DUOX2: variants seen among roughly 807,000 people sequenced by gnomAD.
DUOX2 encodes dual oxidase 2, also known as NADH/NADPH thyroid oxidase p138-tox.
In DUOX2, 185 loss-of-function variants were observed where a neutral mutation model predicts 183.3. The observed-to-expected ratio is 1.01, with a 90% CI of 0.90 to 1.14. The LOEUF is 1.14. DUOX2 is among the 50% of genes most tolerant of loss of function. The probability of loss-of-function intolerance (pLI) is 0.00; values close to 1 mark genes in which losing one functional copy is unlikely to be tolerated. For synonymous variants in DUOX2, 788 were observed against 812.4 expected (o/e 0.97, Z 0.51); for missense variants, 1,999 against 2,022.9 (o/e 0.99, Z 0.23).
intron 27 of DUOX2, 54 bp from the exon 28 acceptor site, chr15:45,097,795 G>C: frequency 6.2e-7 from 1 of 1,613,572 alleles, no homozygotes; most frequent in South Asian, 1.1e-5. Flanking sequence ...AGCTTGGGCT[G>C]AAAAGACAAC....
intron 13 of DUOX2, 24 bp downstream of exon 13, chr15:45,108,023 G>A (rs1302097990): frequency 6.2e-7 from 1 of 1,613,894 alleles, no homozygotes; most frequent in Admixed American, 1.7e-5. Flanking sequence ...AGCAGTCTGA[G>A]GTGGGGGCCC....
In DUOX2 at chr15:45,094,047, G is replaced by T; in HGVS notation, c.*103C>A. On this transcript the variant is annotated 3_prime_UTR_variant, in exon 34 of 34. Coordinates refer to ENST00000389039, the MANE Select transcript of DUOX2 (RefSeq NM_001363711.2). ...GGGGCTCTGCAGCCCTCCAGCTGAG[G>T]CCTAAGGTGGATTCTGATGGAGAGA... 6.5e-7 allele frequency: 1 copy of T among 1,533,104 alleles called. No individual in the cohort carries two copies. Among genetic ancestry groups the T allele is most frequent in the Non-Finnish European group, 9.0e-7 (1 of 1,108,654 alleles). 95.0% of individuals were successfully genotyped at this position (1,533,104 alleles called of 1,614,324 possible).
At chr15:45,110,071 T>C in intron 9 of DUOX2, 91 bp from the exon 10 acceptor site, 1 of 1,196,560 alleles carries the variant, frequency 8.4e-7, no homozygotes, top group East Asian at 2.3e-5. Flanking sequence ...GGGGGTTCAC[T>C]AGGATTGAGC....
rs1894273532 is a variant in DUOX2 at position 45,108,108 on chromosome 15, G to A, written c.1513C>T (p.Leu505Phe). The change falls in exon 13 of 34, where the codon CTC becomes TTC. Residue 505 changes from leucine (L) to phenylalanine (F), a missense_variant. Leu to Phe is a conservative substitution (Grantham distance 22). Coordinates refer to ENST00000389039, the MANE Select transcript of DUOX2 (RefSeq NM_001363711.2). ...TCCCGCAGCCGTACAAACTGGTCGA[G>A]GACAATGGCACTGAACAGGGGTCCA... ...DPGPLFSAIV[L>F]DQFVRLRDGD... The A allele has an allele frequency of 1.2e-6, 2 of 1,614,154 alleles. No individual in the cohort carries two copies. The highest frequency in any genetic ancestry group is 2.2e-5 in the South Asian group (2 of 91,086).
intron 13 of DUOX2, 39 bp downstream of exon 13, chr15:45,108,008 T>A: frequency 6.2e-7 from 1 of 1,613,232 alleles, no homozygotes; most frequent in South Asian, 1.1e-5. Flanking sequence ...GGGCTCAGGC[T>A]GAGGAGCAGT....
rs773860165 is a variant in DUOX2, at chr15:45,112,691, G to A, written c.188C>T (p.Ala63Val). Residue 63 changes from alanine (A) to valine (V), a missense_variant, in exon 4 of 34, where the codon GCC (alanine) becomes GTC (valine). Physicochemically the swap from Ala to Val is moderately conservative, Grantham distance 64. Transcript: ENST00000389039. ...CTGATACACACCGTCGGCGTAATTGGCTGGTACGCGGCGCTGCAACCGGCA... is the reference window on the plus strand; with the variant it reads ...CTGATACACACCGTCGGCGTAATTGACTGGTACGCGGCGCTGCAACCGGCA... Reference protein sequence around the residue: ...VGCRLQRRVPANYADGVYQAL... With the variant: ...VGCRLQRRVPVNYADGVYQAL... The A allele has an allele frequency of 1.9e-6, 3 of 1,612,454 alleles. No homozygotes were observed. Among genetic ancestry groups the A allele is most frequent in the South Asian group, 1.1e-5 (1 of 91,086 alleles).
intron 1 of DUOX2, 102 bp from the exon 2 acceptor site, chr15:45,113,527 G>T: frequency 1.1e-6 from 1 of 914,534 alleles, no homozygotes; most frequent in East Asian, 2.6e-5. Context: ...TGGAGGAGGA[G>T]CACCAGCTGT....
Position 45,111,403 on chromosome 15 carries a change from G to C in DUOX2, c.696C>G (p.Asn232Lys). The C allele has an allele frequency of 4.7e-6, 7 of 1,474,040 alleles. No homozygotes were observed. The highest frequency in any genetic ancestry group is 6.3e-6 in the Non-Finnish European group (7 of 1,114,320). The allele number at this position is 1,474,040 out of a possible 1,614,324, so 91.3% of individuals were successfully genotyped here. Residue 232 changes from asparagine (N) to lysine (K), a missense_variant, in exon 6 of 34, where the codon AAC (asparagine) becomes AAG (lysine). Asn to Lys is a moderately conservative substitution (Grantham distance 94, BLOSUM62 0). Transcript: ENST00000389039. ...WAAPDPATGQ[N>K]GPRGLYAFGA... ...CCTCACCGTACAGCCCCCGGGGCCC[G>C]TTCTGCCCGGTGGCGGGGTCGGGCG...
chr15:45,112,457 G>T, intron 4 of DUOX2, 97 bp downstream of exon 4: 2 of 1,494,956 alleles, frequency 1.3e-6, no homozygotes, highest in Non-Finnish European at 1.8e-6. Context: ...TTGGGAGTCG[G>T]ATGGGTCTCC....
chr15:45,103,104 T>C (rs1321371974), intron 20 of DUOX2, among the ~76,000 whole-genome samples: 3 of 152,214 alleles, frequency 2.0e-5, no homozygotes, highest in African/African-American at 7.2e-5. Context: ...CCCAGTGAGG[T>C]ACAGACTGCA....
In DUOX2 at chr15:45,095,420, G is replaced by A. The variant is rs768586987; in HGVS notation, c.4239+17C>T. 4 of 1,614,034 alleles carry A rather than the reference G, an allele frequency of 2.5e-6. No homozygotes were observed. In the South Asian group the frequency reaches 4.4e-5, roughly 18 times the overall value. ...GCCACCTATGCCCCATTTGATGAAT[G>A]AGGGAGGGATGCTCACCTTCTTACA... On this transcript the variant is annotated intron_variant, in intron 31 of 33. Coordinates refer to ENST00000389039, the MANE Select transcript of DUOX2 (RefSeq NM_001363711.2).
Position 45,109,169 on chromosome 15 carries a change from A to T in DUOX2, c.1235-217T>A, listed in dbSNP as rs574287307. 2.2e-4 allele frequency: 143 copies of T among 649,318 alleles called. 2 individuals carry two copies. The East Asian group carries it at 3.9e-3, about 18-fold the overall frequency. 40.2% of individuals were successfully genotyped at this position (649,318 alleles called of 1,614,324 possible). ...TTTCCAGTAAGACCCTTCCTCTAAGACTCAAGACTGTTCTAGTCACCAAGC... is the reference window on the plus strand; with the variant it reads ...TTTCCAGTAAGACCCTTCCTCTAAGTCTCAAGACTGTTCTAGTCACCAAGC... On this transcript the variant is annotated intron_variant, in intron 11 of 33. Coordinates refer to ENST00000389039, the MANE Select transcript of DUOX2 (RefSeq NM_001363711.2).
At chr15:45,096,170 A>G (rs1893895942) in intron 29 of DUOX2, 110 bp from the exon 30 acceptor site, 1 of 951,940 alleles carries the variant, frequency 1.1e-6, no homozygotes, top group East Asian at 2.6e-5. Context: ...GAGTAGTCAC[A>G]TGGTCTGAGC....
Position 45,105,790 on chromosome 15 carries a change from A to G in DUOX2, c.2187T>C (p.Phe729=). ...LFSSEEERGA[F]VQQLWDFCVR... ...CGCAGAAGTCCCATAGCTGCTGCAC[A>G]AAGGCGCCCCGTTCCTCTTCAGAAC... is the stretch of plus-strand genomic sequence containing the variant. Residue 729 remains phenylalanine, a synonymous_variant, in exon 18 of 34, where the codon TTT becomes TTC. Transcript: ENST00000389039. 6.2e-7 allele frequency: 1 copy of G among 1,614,212 alleles called. No individual in the cohort carries two copies. The highest frequency in any genetic ancestry group is 8.5e-7 in the Non-Finnish European group (1 of 1,180,032).
chr15:45,110,188 A>G (rs1894342658), intron 9 of DUOX2, among the ~76,000 whole-genome samples: 1 of 152,090 alleles, frequency 6.6e-6, no homozygotes, highest in Non-Finnish European at 1.5e-5. Context: ...AGGGAAGGGA[A>G]TGACCCAGCT....
chr15:45,108,323 T>A, intron 12 of DUOX2, 101 bp from the exon 13 acceptor site: 1 of 1,389,072 alleles, frequency 7.2e-7, no homozygotes, highest in South Asian at 1.2e-5. Flanking sequence ...GCTGCCTGGC[T>A]GCTGCTCAGG....
chr15:45,105,930 TC>T, intron 17 of DUOX2, 102 bp from the exon 18 acceptor site: 1 of 1,493,462 alleles, frequency 6.7e-7, no homozygotes, highest in Non-Finnish European at 9.1e-7. Context: ...AGAAAACTCC[TC>T]CCCATCCATC....
rs781084721 is a variant in DUOX2 at position 45,103,977 on chromosome 15, T to C, written c.2637A>G (p.Glu879=). Residue 879 remains glutamate, a synonymous_variant, in exon 20 of 34, where the codon GAA becomes GAG. Transcript: ENST00000389039. ...LDENGFLSKD[E]FFTMMRSFIE... ...CCCCATACCGCATCATGGTGAAGAA[T>C]TCGTCCTTGGAGAGGAAGCCATTCT... 6.8e-6 allele frequency: 11 copies of C among 1,614,006 alleles called. No individual in the cohort carries two copies. Among genetic ancestry groups the C allele is most frequent in the Non-Finnish European group, 5.9e-6 (7 of 1,180,036 alleles).
intron 2 of DUOX2, 30 bp downstream of exon 2, chr15:45,113,312 A>AC: frequency 6.5e-7 from 1 of 1,546,958 alleles, no homozygotes; most frequent in Non-Finnish European, 8.7e-7. Flanking sequence ...CCTGGGGAAC[A>AC]CCCCGCCGCT....
Sources: allele counts gnomAD v4.1 joint callset (sites outside exome capture counted in the v4.1 genomes callset), GRCh38; gene constraint gnomAD v4.1.1; transcripts MANE v1.5; gene names NCBI Gene and HGNC (gene_info 2026-07-23, HGNC 2026-07-21).